ARHGAP24: variants seen among roughly 807,000 people sequenced by gnomAD.
The protein encoded by ARHGAP24 is Rho GTPase activating protein 24.
A neutral mutation model predicts 76.4 loss-of-function variants in ARHGAP24; 50 were observed. The ratio of observed to expected loss-of-function variants is 0.65; its 90% CI spans 0.52 to 0.83. The LOEUF (loss-of-function observed/expected upper bound fraction) is 0.83. Ranked by LOEUF, ARHGAP24 falls within the 40% of genes least tolerant of loss-of-function variation. ARHGAP24 has a pLI of 0.00. For missense variants in ARHGAP24, 930 were observed against 914.2 expected (o/e 1.02, Z -0.22); for synonymous variants, 345 against 323.3 (o/e 1.07, Z -0.72).
chr4:85,889,088 C>A lies in ARHGAP24; in HGVS notation c.269-34560C>A, dbSNP rs562919104. Among the ~76,000 whole-genome samples the A allele has an allele frequency of 2.6e-4, 40 of 152,228 alleles. No homozygotes were observed. In the South Asian group the frequency reaches 8.3e-3, roughly 32 times the overall value. On this transcript the variant is annotated intron_variant, in intron 3 of 9. Coordinates refer to ENST00000395184, the MANE Select transcript of ARHGAP24 (RefSeq NM_001025616.3). ...TCTGTATAGTGTTGCAGTAAACATA[C>A]ACATGCATGTGTCTTTATAAAAGAA...
At chr4:85,755,200 T>C (rs1476256132) in intron 3 of ARHGAP24, among the ~76,000 whole-genome samples, 1 of 152,220 alleles carries the variant, frequency 6.6e-6, no homozygotes, top group African/African-American at 2.4e-5. Flanking sequence ...TCTTGAATCA[T>C]AAAATGTAAC....
intron 9 of ARHGAP24, among the ~76,000 whole-genome samples, chr4:85,996,561 A>G (rs1740672910): frequency 6.6e-6 from 1 of 152,196 alleles, no homozygotes; most frequent in African/African-American, 2.4e-5. Context: ...ATCAATTATC[A>G]GACAAAAAGA....
intron 3 of ARHGAP24, among the ~76,000 whole-genome samples, chr4:85,732,214 T>C (rs1457297393): frequency 1.3e-5 from 2 of 152,218 alleles, no homozygotes; most frequent in Admixed American, 1.3e-4. Context: ...TAGGGCTTCT[T>C]TGAGCCACAG....
intron 3 of ARHGAP24, among the ~76,000 whole-genome samples, chr4:85,768,705 A>T (rs2110077466): frequency 6.6e-6 from 1 of 152,242 alleles, no homozygotes; most frequent in South Asian, 2.1e-4. Flanking sequence ...TGAACCCAGG[A>T]GGCAGAGGTT....
chr4:85,860,998 ACG>A (rs918335403), intron 3 of ARHGAP24, among the ~76,000 whole-genome samples: 15 of 130,750 alleles, frequency 1.1e-4, no homozygotes, highest in African/African-American at 4.0e-4. Flanking sequence ...CTGTGCATGC[ACG>A]CACACACACA....
At chr4:85,572,763 C>T (rs1380833166) in intron 2 of ARHGAP24, among the ~76,000 whole-genome samples, 1 of 151,686 alleles carries the variant, frequency 6.6e-6, no homozygotes, top group Non-Finnish European at 1.5e-5. Flanking sequence ...AGACCATCAC[C>T]ATCCCCCTAA....
chr4:85,564,301 A>T (rs563166836), intron 1 of ARHGAP24, among the ~76,000 whole-genome samples: 3 of 152,070 alleles, frequency 2.0e-5, no homozygotes, highest in Admixed American at 6.5e-5. Flanking sequence ...GACAAAAAAA[A>T]CAAGCACTGT....
intron 3 of ARHGAP24, among the ~76,000 whole-genome samples, chr4:85,765,876 G>A (rs758179036): frequency 4.6e-5 from 7 of 152,188 alleles, no homozygotes; most frequent in African/African-American, 7.2e-5. Flanking sequence ...GCTGAAAGCC[G>A]AGGAACAATA....
At chr4:85,629,618 A>G (rs532893027) in intron 2 of ARHGAP24, among the ~76,000 whole-genome samples, 11 of 152,262 alleles carry the variant, frequency 7.2e-5, no homozygotes, top group Admixed American at 5.2e-4. Flanking sequence ...CTTGCCAGGT[A>G]TCTTATTCTT....
At chr4:85,835,713 T>C (rs1207150414) in intron 3 of ARHGAP24, among the ~76,000 whole-genome samples, 1 of 151,832 alleles carries the variant, frequency 6.6e-6, no homozygotes, top group Non-Finnish European at 1.5e-5. Context: ...TGAGATGGAG[T>C]CTTGCTCTGT....
At chr4:85,630,035 T>C (rs1205472353) in intron 2 of ARHGAP24, among the ~76,000 whole-genome samples, 2 of 152,084 alleles carry the variant, frequency 1.3e-5, no homozygotes, top group Admixed American at 6.6e-5. Context: ...TTTTTTATTC[T>C]TTTCTCTTCT....
At chr4:85,998,609 T>C (rs1740820650) in intron 9 of ARHGAP24, among the ~76,000 whole-genome samples, 1 of 152,154 alleles carries the variant, frequency 6.6e-6, no homozygotes, top group African/African-American at 2.4e-5. Flanking sequence ...TCCTCTGTCT[T>C]TGTTAACTTC....
At chr4:85,693,881 G>A (rs72972871) in intron 2 of ARHGAP24, among the ~76,000 whole-genome samples, 2,052 of 152,250 alleles carry the variant, frequency 0.013, 49 homozygotes, top group African/African-American at 0.045. Context: ...CTGAAGCCCT[G>A]TCTCTGCCTA....
intron 3 of ARHGAP24, among the ~76,000 whole-genome samples, chr4:85,871,688 C>T (rs1732530927): frequency 6.6e-6 from 1 of 152,090 alleles, no homozygotes; most frequent in Non-Finnish European, 1.5e-5. Flanking sequence ...AAATGTATGA[C>T]CACATGAGCA....
At chr4:85,690,708 T>C (rs1405515029) in intron 2 of ARHGAP24, among the ~76,000 whole-genome samples, 1 of 146,266 alleles carries the variant, frequency 6.8e-6, no homozygotes, top group African/African-American at 2.7e-5. Flanking sequence ...CCATGCCCAC[T>C]CCCCCTTTTT....
intron 3 of ARHGAP24, among the ~76,000 whole-genome samples, chr4:85,830,371 A>G (rs955024580): frequency 1.1e-4 from 17 of 152,230 alleles, no homozygotes; most frequent in African/African-American, 3.9e-4. Context: ...CCAGGCAGCA[A>G]GGGCCACTGT....
chr4:85,790,954 T>C (rs1728092550), intron 3 of ARHGAP24, among the ~76,000 whole-genome samples: 1 of 152,136 alleles, frequency 6.6e-6, no homozygotes, highest in Non-Finnish European at 1.5e-5. Flanking sequence ...TTGGAAAAAA[T>C]TAAAACCTTG....
intron 8 of ARHGAP24, chr4:85,991,787 AATC>A: frequency 5.4e-6 from 1 of 186,196 alleles, no homozygotes. Flanking sequence ...ATTTGTCAAA[AATC>A]ATCAGGTGTC....
intron 1 of ARHGAP24, among the ~76,000 whole-genome samples, chr4:85,504,911 C>G (rs1476250045): frequency 6.6e-6 from 1 of 152,102 alleles, no homozygotes; most frequent in African/African-American, 2.4e-5. Context: ...TTAGGGCAGG[C>G]CTGGTGGTGA....
Sources: gnomAD v4.1 joint callset for allele counts (sites outside exome capture counted in the v4.1 genomes callset) on GRCh38, gnomAD v4.1.1 for gene constraint, MANE v1.5 for transcripts, NCBI Gene and HGNC (gene_info 2026-07-23, HGNC 2026-07-21) for gene names.